MX2: variants seen among roughly 807,000 people sequenced by gnomAD.
MX2 encodes the protein MX dynamin like GTPase 2, also known as interferon-induced GTP-binding protein Mx2.
MX2 carries 51 observed loss-of-function variants against 74.0 expected under a neutral mutation model. The ratio of observed to expected loss-of-function variants is 0.69; its 90% confidence interval spans 0.55 to 0.87. The LOEUF (loss-of-function observed/expected upper bound fraction) is 0.87, where lower values mean the gene tolerates loss of function less well. MX2 is among the 40% of genes least tolerant of loss of function. The pLI is 0.00. For synonymous variants in MX2, 369 were observed against 339.3 expected (o/e 1.09, Z -0.96); for missense variants, 832 against 908.7 (o/e 0.92, Z 1.09).
intron 1 of MX2, among the ~76,000 whole-genome samples, chr21:41,371,678 T>G (rs560679656): frequency 6.6e-6 from 1 of 152,284 alleles, no homozygotes; most frequent in East Asian, 1.9e-4. Context: ...TCAGAGACGG[T>G]CACGCCAATA....
chr21:41,375,742 CA>C (rs920486942), intron 1 of MX2, among the ~76,000 whole-genome samples: 15 of 150,940 alleles, frequency 9.9e-5, no homozygotes, highest in South Asian at 2.1e-4. Flanking sequence ...AGTCTTTTTC[CA>C]AAAAAAAAGT....
In MX2 at chr21:41,379,939, G is replaced by C. The variant is rs1300684979; in HGVS notation, c.443-78G>C. 5.1e-6 allele frequency: 8 copies of C among 1,568,290 alleles called. No homozygotes were observed. In the Admixed American group the frequency reaches 8.7e-5, roughly 17 times the overall value. ...CAGACGAGGCCTTTGGGGACAGCAG[G>C]GCAGGTTCTGGGAGCGAAGGGCCCA... On this transcript the variant is annotated intron_variant, in intron 3 of 13. Coordinates refer to ENST00000330714, the MANE Select transcript of MX2 (RefSeq NM_002463.2).
rs994704154 is a variant in MX2, at chr21:41,380,857, T to C, written c.577+706T>C. Among the ~76,000 whole-genome samples the C allele has an allele frequency of 1.3e-5, 2 of 152,072 alleles. No homozygotes were observed. Among genetic ancestry groups the C allele is most frequent in the Admixed American group, 1.3e-4 (2 of 15,268 alleles). ...CCCCAGGCACTGGAGCCTCTCAACC[T>C]CCCTAAAGGCTTCTCCCCTATCCTG... On this transcript the variant is annotated intron_variant, in intron 4 of 13. Transcript: ENST00000330714. This position sits in a 1 kb window ranked among gnomAD's most constrained non-coding sequence, Gnocchi z 4.3.
At chr21:41,407,832 C>T (rs111626166) in intron 13 of MX2, among the ~76,000 whole-genome samples, 159 bp from the exon 14 acceptor site, 2,471 of 152,180 alleles carry the variant, frequency 0.016, 66 homozygotes, top group African/African-American at 0.055. Context: ...ATAGAACCTT[C>T]ACGGGGCTTG....
At position 41,377,862 on chromosome 21, in the gene MX2, G is replaced by A. The variant is rs746395854; in HGVS notation, c.323G>A (p.Arg108Gln). 6.2e-6 allele frequency: 10 copies of A among 1,614,060 alleles called. No homozygotes were observed. The highest frequency in any genetic ancestry group is 6.8e-6 in the Non-Finnish European group (8 of 1,180,048). The change falls in exon 3 of 14, where the codon CGG (arginine) becomes CAG (glutamine). Residue 108 changes from arginine to glutamine, a missense_variant. Physicochemically the swap from Arg to Gln is conservative, Grantham distance 43. Transcript: ENST00000330714. ...TGCATTGACCTCATCGACTCCCTGC[G>A]GGCTCTGGGTGTGGAGCAGGACCTG... Reference protein sequence around the residue: ...RPCIDLIDSLRALGVEQDLAL... With the variant: ...RPCIDLIDSLQALGVEQDLAL...
At chr21:41,392,477 C>T (rs938653764) in intron 6 of MX2, among the ~76,000 whole-genome samples, 2 of 152,098 alleles carry the variant, frequency 1.3e-5, no homozygotes, top group African/African-American at 4.8e-5. Flanking sequence ...CTCATACAGA[C>T]AAAGTAGAAT....
chr21:41,401,063 A>G (rs1220310873), intron 10 of MX2: 4 of 152,280 alleles, frequency 2.6e-5, no homozygotes, highest in African/African-American at 4.8e-5. Context: ...TCATGAGAGC[A>G]GCATGAGAAA....
chr21:41,401,881 G>T, intron 10 of MX2, 89 bp from the exon 11 acceptor site: 1 of 1,429,374 alleles, frequency 7.0e-7, no homozygotes. Context: ...TGCGTACAGT[G>T]GGGAGCAAGA....
At chr21:41,379,297 C>T (rs1322236781) in intron 3 of MX2, among the ~76,000 whole-genome samples, 1 of 152,194 alleles carries the variant, frequency 6.6e-6, no homozygotes, top group African/African-American at 2.4e-5. Context: ...GGGACAATAC[C>T]TCCCTATAGG....
chr21:41,399,447 C>G, intron 10 of MX2, 110 bp downstream of exon 10: 1 of 1,195,344 alleles, frequency 8.4e-7, no homozygotes, highest in Non-Finnish European at 1.2e-6. Flanking sequence ...CATCCAAGAC[C>G]GTGGAACCCT....
chr21:41,380,094 C>G lies in MX2; in HGVS notation c.520C>G (p.Arg174Gly). 1.2e-6 allele frequency: 2 copies of G among 1,613,992 alleles called. No homozygotes were observed. Among genetic ancestry groups the G allele is most frequent in the East Asian group, 2.2e-5 (1 of 44,886 alleles). ...GGCATGGGCCGGAAGGATCAGCTACCGGAACACCGAGCTAGAGCTTCAGGA... is the reference window on the plus strand; with the variant it reads ...GGCATGGGCCGGAAGGATCAGCTACGGGAACACCGAGCTAGAGCTTCAGGA... ...CEAWAGRISY[R>G]NTELELQDPG... The change falls in exon 4 of 14, where the codon CGG becomes GGG. Residue 174 changes from arginine to glycine, a missense_variant. Coordinates refer to ENST00000330714, the MANE Select transcript of MX2 (RefSeq NM_002463.2). The surrounding 1 kb of genome is among the most constrained non-coding windows in gnomAD (Gnocchi z 4.3).
rs1178889708 is a variant in MX2 at position 41,402,263 on chromosome 21, C to T, written c.1573+135C>T. On this transcript the variant is annotated intron_variant, in intron 11 of 13. Transcript: ENST00000330714. The surrounding 1 kb of genome is among the most constrained non-coding windows in gnomAD (Gnocchi z 4.5). ...CGCTCACTGGTGTGCTAGATTGCTA[C>T]TCTGTGTGGTCTGTGAGCCAGCAGC... The T allele has an allele frequency of 8.5e-6, 9 of 1,060,182 alleles. No homozygotes were observed. The highest frequency in any genetic ancestry group is 1.1e-5 in the Non-Finnish European group (8 of 755,140). 65.7% of individuals were successfully genotyped at this position (1,060,182 alleles called of 1,614,324 possible).
rs1465002702 is a variant in MX2, at chr21:41,402,473, G to A, written c.1573+345G>A. On this transcript the variant is annotated intron_variant, in intron 11 of 13. Coordinates refer to ENST00000330714, the MANE Select transcript of MX2 (RefSeq NM_002463.2). The surrounding 1 kb of genome is among the most constrained non-coding windows in gnomAD (Gnocchi z 4.5). ...TGTCTTTGGGGGGCAGGCAGAGGGT[G>A]CACATGCACTTCATCTGTATCACAC... Among the ~76,000 whole-genome samples, 1 of 152,288 alleles carries A rather than the reference G, an allele frequency of 6.6e-6. No homozygotes were observed. Among genetic ancestry groups the A allele is most frequent in the South Asian group, 2.1e-4 (1 of 4,822 alleles).
chr21:41,399,164 C>A (rs759687425), intron 9 of MX2, 32 bp from the exon 10 acceptor site: 4 of 1,608,928 alleles, frequency 2.5e-6, no homozygotes, highest in Non-Finnish European at 3.4e-6. Context: ...ATATGATTTC[C>A]GCAAAGACTA....
At position 41,388,506 on chromosome 21, in the gene MX2, G is replaced by A. The variant is rs1245431694; in HGVS notation, c.733-2059G>A. On this transcript the variant is annotated intron_variant, in intron 5 of 13. Coordinates refer to ENST00000330714, the MANE Select transcript of MX2 (RefSeq NM_002463.2). The surrounding 1 kb of genome is among the most constrained non-coding windows in gnomAD (Gnocchi z 4.0). ...TGCCTTGCCTGACATACTGTTCCCC[G>A]TGCCTGGCTCTTTCAATTCCACTTG... is the stretch of plus-strand genomic sequence containing the variant. 2.0e-5 allele frequency among the ~76,000 whole-genome samples: 3 copies of A among 152,102 alleles called. No homozygotes were observed. Among genetic ancestry groups the A allele is most frequent in the African/African-American group, 4.8e-5 (2 of 41,408 alleles).
rs76430302 is a variant in MX2 at position 41,380,011 on chromosome 21, G to A, written c.443-6G>A. On this transcript the variant is annotated splice_region_variant and splice_polypyrimidine_tract_variant and intron_variant, in intron 3 of 13. Transcript: ENST00000330714. The surrounding 1 kb of genome is among the most constrained non-coding windows in gnomAD (Gnocchi z 4.3). ...ACTGAGGATATTTGGGGAACCTCTCGCTCAGGAATCGTAACCAGGTGTCCG... is the reference window on the plus strand; with the variant it reads ...ACTGAGGATATTTGGGGAACCTCTCACTCAGGAATCGTAACCAGGTGTCCG... 1.0e-3 allele frequency: 1,609 copies of A among 1,613,640 alleles called. 12 individuals are homozygous for A. The African/African-American group carries it at 0.018, about 18-fold the overall frequency.
chr21:41,377,086 C>A lies in MX2; in HGVS notation c.180C>A (p.Ala60=). The change falls in exon 2 of 14, where the codon GCC becomes GCA. Residue 60 remains alanine (A), a synonymous_variant. Transcript: ENST00000330714. ...QGAEKDAAFL[A]KDFNFLTLNN... ...CAGAGAAGGACGCTGCTTTCCTCGC[C>A]AAGGACTTCAACTTTCTCACTTTGA... The A allele has an allele frequency of 6.2e-7, 1 of 1,614,218 alleles. No homozygotes were observed. Among genetic ancestry groups the A allele is most frequent in the South Asian group, 1.1e-5 (1 of 91,092 alleles).
chr21:41,365,972 A>G (rs556179528), intron 1 of MX2: 1 of 152,570 alleles, frequency 6.6e-6, no homozygotes, highest in East Asian at 1.9e-4. Context: ...GCACCCTCAC[A>G]CTGCTTCAGC....
chr21:41,396,472 G>C lies in MX2; in HGVS notation c.1070+687G>C, dbSNP rs142344654. ...ACAGAGGTCACTCCTGCTTGAAGGA[G>C]AGCTAATGGGAAAACTGAATTTGGG... On this transcript the variant is annotated intron_variant, in intron 7 of 13. Transcript: ENST00000330714. Among the ~76,000 whole-genome samples, 119 of 49,956 alleles carry C rather than the reference G, an allele frequency of 2.4e-3. No homozygotes were observed. In the East Asian group the frequency reaches 0.08, roughly 34 times the overall value. 32.8% of individuals were successfully genotyped at this position (49,956 alleles called of 152,430 possible).
Sources: gnomAD v4.1 joint callset for allele counts (sites outside exome capture counted in the v4.1 genomes callset) on GRCh38, gnomAD v4.1.1 for gene constraint, Gnocchi (gnomAD v3.1) non-coding constraint, MANE v1.5 for transcripts, NCBI Gene and HGNC (gene_info 2026-07-23, HGNC 2026-07-21) for gene names.